Variants in CCBE1 observed in about 807,000 individuals in gnomAD.
The protein encoded by CCBE1 is collagen and calcium-binding EGF domain-containing protein 1.
In CCBE1, 37 loss-of-function variants were observed where a neutral mutation model predicts 50.0. The observed-to-expected ratio is 0.74, with a 90% CI of 0.57 to 0.97. The LOEUF is 0.97. CCBE1 is among the 50% of genes least tolerant of loss of function. The pLI, the probability that CCBE1 is intolerant of heterozygous loss-of-function variation, is 0.00. For missense variants in CCBE1, 538 were observed against 523.8 expected (o/e 1.03, Z -0.26); for synonymous variants, 234 against 203.7 (o/e 1.15, Z -1.27).
chr18:59,539,184 A>AACAC lies in CCBE1; in HGVS notation c.213-58950_213-58947dup, dbSNP rs68072077. Among the ~76,000 whole-genome samples, 429 of 133,580 alleles carry AACAC rather than the reference A, an allele frequency of 3.2e-3. 1 individual carries two copies. The highest frequency in any genetic ancestry group is 0.012 in the African/African-American group (415 of 35,680). 87.6% of individuals were successfully genotyped at this position (133,580 alleles called of 152,430 possible). On this transcript the variant is annotated intron_variant, in intron 2 of 10. Transcript: ENST00000439986. Reference sequence around the variant, plus strand: ...GGGCAGGACTCTGCTATATTTAAAAAACACACACACACACACAAAAAACAA... The same window carrying AACAC: ...GGGCAGGACTCTGCTATATTTAAAAAACACACACACACACACACACAAAAAACAA...
intron 2 of CCBE1, among the ~76,000 whole-genome samples, chr18:59,669,782 G>A (rs941807025): frequency 5.3e-5 from 8 of 152,204 alleles, no homozygotes; most frequent in African/African-American, 1.9e-4. Context: ...CTGAACATGG[G>A]GTCAGGCCCA....
At chr18:59,540,691 T>A (rs556204025) in intron 2 of CCBE1, among the ~76,000 whole-genome samples, 2 of 152,322 alleles carry the variant, frequency 1.3e-5, no homozygotes, top group Non-Finnish European at 2.9e-5. Flanking sequence ...CTAAAACAGG[T>A]GTTGGCAAAC....
At chr18:59,452,250 A>G (rs566996477) in intron 6 of CCBE1, among the ~76,000 whole-genome samples, 17 of 152,266 alleles carry the variant, frequency 1.1e-4, no homozygotes, top group African/African-American at 4.1e-4. Flanking sequence ...CAGATGTCCT[A>G]TGTTCTTTTG....
intron 2 of CCBE1, among the ~76,000 whole-genome samples, chr18:59,660,166 C>T (rs1054071334): frequency 6.6e-6 from 1 of 152,216 alleles, no homozygotes; most frequent in South Asian, 2.1e-4. Flanking sequence ...CTCCCTCTAT[C>T]AGCCTAAAGG....
intron 2 of CCBE1, among the ~76,000 whole-genome samples, chr18:59,480,964 A>G (rs189440460): frequency 5.9e-5 from 9 of 152,326 alleles, no homozygotes; most frequent in African/African-American, 2.2e-4. Flanking sequence ...TCTCCACAAC[A>G]TAACATGTAC....
intron 6 of CCBE1, 94 bp from the exon 7 acceptor site, chr18:59,448,197 G>A (rs1910773046): frequency 7.1e-6 from 11 of 1,545,632 alleles, no homozygotes; most frequent in Non-Finnish European, 9.7e-6. Flanking sequence ...GCCTTTTCAT[G>A]AGACATATGT....
At position 59,431,480 on chromosome 18, in the gene CCBE1, C is replaced by G. The variant is rs1318482721; in HGVS notation, c.*4428G>C. 2.0e-5 allele frequency: 2 copies of G among 102,350 alleles called. No homozygotes were observed. Among genetic ancestry groups the G allele is most frequent in the African/African-American group, 6.8e-5 (2 of 29,222 alleles). 6.3% of individuals were successfully genotyped at this position (102,350 alleles called of 1,614,324 possible). On this transcript the variant is annotated 3_prime_UTR_variant, in exon 11 of 11. Coordinates refer to ENST00000439986, the MANE Select transcript of CCBE1 (RefSeq NM_133459.4). ...CAGAATGAGGCTGCTGTGGTTGTTT[C>G]TGGGGCACAGGCTGAGAAGTGGGGA...
Position 59,466,816 on chromosome 18 carries a change from C to T in CCBE1, c.476G>A (p.Cys159Tyr), listed in dbSNP as rs1911771921. 6.2e-7 allele frequency: 1 copy of T among 1,613,820 alleles called. No homozygotes were observed. Among genetic ancestry groups the T allele is most frequent in the Non-Finnish European group, 8.5e-7 (1 of 1,179,948 alleles). Residue 159 changes from cysteine to tyrosine, a missense_variant, in exon 5 of 11, where the codon TGC becomes TAC. Transcript: ENST00000439986. ...ICINTLGSYR[C>Y]ECREGYIRED... is the part of the protein sequence containing the mutation. ...CCGGATGTAGCCTTCCCGGCACTCG[C>T]AGCGGTAGCTGCCCAAGGTATTGAT...
In CCBE1 at chr18:59,433,891, C is replaced by CTTTTTTTTTTTTT. The variant is rs373652074; in HGVS notation, c.*2004_*2016dup. The CTTTTTTTTTTTTT allele has an allele frequency of 1.6e-3, 111 of 70,040 alleles. 5 individuals carry two copies. The highest frequency in any genetic ancestry group is 6.6e-3 in the African/African-American group (108 of 16,438). The allele number at this position is 70,040 out of a possible 1,614,324, so 4.3% of individuals were successfully genotyped here. On this transcript the variant is annotated 3_prime_UTR_variant, in exon 11 of 11. Coordinates refer to ENST00000439986, the MANE Select transcript of CCBE1 (RefSeq NM_133459.4). Reference sequence around the variant, plus strand: ...ACAGGCATGAGCCACCAAGCCCGGCCTTTTTTTTTTTTTTTTTTTTTTTTT... The same window carrying CTTTTTTTTTTTTT: ...ACAGGCATGAGCCACCAAGCCCGGCCTTTTTTTTTTTTTTTTTTTTTTTTTTTTTTTTTTTTTT...
chr18:59,562,953 G>A (rs1382506925), intron 2 of CCBE1, among the ~76,000 whole-genome samples: 4 of 152,176 alleles, frequency 2.6e-5, no homozygotes, highest in East Asian at 1.9e-4. Context: ...TTCAGGGAAT[G>A]GACTCTTCCA....
At chr18:59,502,465 G>GC (rs58051896) in intron 2 of CCBE1, among the ~76,000 whole-genome samples, 259 of 150,480 alleles carry the variant, frequency 1.7e-3, no homozygotes, top group African/African-American at 5.4e-3. Context: ...GGAGGAACAG[G>GC]TATCCATTAT....
chr18:59,674,217 A>T (rs1414836387), intron 2 of CCBE1, among the ~76,000 whole-genome samples: 1 of 152,216 alleles, frequency 6.6e-6, no homozygotes, highest in Non-Finnish European at 1.5e-5. Flanking sequence ...AAAGACTTGG[A>T]ACCAACCCAA....
chr18:59,583,280 CA>C (rs1207378870), intron 2 of CCBE1, among the ~76,000 whole-genome samples: 2 of 151,920 alleles, frequency 1.3e-5, no homozygotes, highest in East Asian at 3.9e-4. Context: ...ACAAAACAAA[CA>C]AAAAAACCCA....
intron 7 of CCBE1, among the ~76,000 whole-genome samples, chr18:59,446,235 C>G (rs1910662065): frequency 6.6e-6 from 1 of 152,222 alleles, no homozygotes; most frequent in Non-Finnish European, 1.5e-5. Context: ...GAGAAGAAAG[C>G]TTGCAAGGCA....
At chr18:59,628,563 C>CG (rs1338389704) in intron 2 of CCBE1, among the ~76,000 whole-genome samples, 1 of 152,150 alleles carries the variant, frequency 6.6e-6, no homozygotes, top group Non-Finnish European at 1.5e-5. Context: ...GTAACCACCG[C>CG]GATGTCCATG....
intron 2 of CCBE1, among the ~76,000 whole-genome samples, chr18:59,549,459 T>C (rs1195073978): frequency 1.3e-5 from 2 of 152,178 alleles, no homozygotes; most frequent in African/African-American, 4.8e-5. Context: ...TAAGAGCGTC[T>C]AATATTTTAT....
intron 2 of CCBE1, among the ~76,000 whole-genome samples, chr18:59,630,059 C>T (rs183706978): frequency 6.6e-6 from 1 of 152,300 alleles, no homozygotes; most frequent in East Asian, 1.9e-4. Context: ...ACTGGCTCGC[C>T]AAGATCCAGC....
At chr18:59,584,947 C>G (rs2053156629) in intron 2 of CCBE1, among the ~76,000 whole-genome samples, 1 of 152,114 alleles carries the variant, frequency 6.6e-6, no homozygotes, top group Non-Finnish European at 1.5e-5. Context: ...TATGACTCTC[C>G]TGCTTGAGAT....
intron 2 of CCBE1, among the ~76,000 whole-genome samples, chr18:59,499,802 C>T (rs1913530719): frequency 6.6e-6 from 1 of 152,172 alleles, no homozygotes; most frequent in South Asian, 2.1e-4. Flanking sequence ...ACCACTTTGA[C>T]AGTGGGCAGA....
Sources: gnomAD v4.1 joint callset for allele counts (sites outside exome capture counted in the v4.1 genomes callset) on GRCh38, gnomAD v4.1.1 for gene constraint, MANE v1.5 for transcripts, NCBI Gene and HGNC (gene_info 2026-07-23, HGNC 2026-07-21) for gene names.